CEP85L: variants seen among roughly 807,000 people sequenced by gnomAD.
CEP85L encodes the protein centrosomal protein of 85 kDa-like.
In CEP85L, 60 loss-of-function variants were observed where a neutral mutation model predicts 100.3. That is an observed-to-expected ratio of 0.60 (90% confidence interval 0.49 to 0.74). CEP85L has a LOEUF of 0.74. Ranked by LOEUF, CEP85L falls within the 30% of genes least tolerant of loss-of-function variation. CEP85L has a pLI of 0.00. For missense variants in CEP85L, 973 were observed against 936.2 expected, an observed-to-expected ratio of 1.04 and a Z score of -0.51; for synonymous variants, 319 against 322.7, an observed-to-expected ratio of 0.99 and a Z score of 0.12.
chr6:118,693,916 C>A (rs1324009734), intron 1 of CEP85L, among the ~76,000 whole-genome samples: 2 of 152,266 alleles, frequency 1.3e-5, no homozygotes, highest in South Asian at 2.1e-4. Context: ...AGAGTATATA[C>A]CCATGTTGCA....
At chr6:118,525,419 G>T (rs1776908556) in intron 3 of CEP85L, among the ~76,000 whole-genome samples, 1 of 152,084 alleles carries the variant, frequency 6.6e-6, no homozygotes, top group Admixed American at 6.5e-5. Flanking sequence ...TTGGAAATAG[G>T]GTCTTTGCAG....
chr6:118,708,188 G>A (rs983754981), intron 1 of CEP85L, among the ~76,000 whole-genome samples: 3 of 152,182 alleles, frequency 2.0e-5, no homozygotes, highest in Non-Finnish European at 2.9e-5. Flanking sequence ...CTTCACAGAT[G>A]AACAAGGCAC....
chr6:118,566,562 C>T (rs1434923244), intron 2 of CEP85L, among the ~76,000 whole-genome samples: 8 of 152,066 alleles, frequency 5.3e-5, no homozygotes, highest in Non-Finnish European at 7.4e-5. Context: ...GGATTCCAGG[C>T]GCCTGCCAGC....
At chr6:118,543,089 T>C (rs1223239995) in intron 3 of CEP85L, among the ~76,000 whole-genome samples, 1 of 152,186 alleles carries the variant, frequency 6.6e-6, no homozygotes, top group East Asian at 1.9e-4. Flanking sequence ...CTCCTCCACT[T>C]AGCTCATCTG....
chr6:118,594,617 C>T (rs1781364464), intron 2 of CEP85L, among the ~76,000 whole-genome samples: 1 of 151,738 alleles, frequency 6.6e-6, no homozygotes, highest in South Asian at 2.1e-4. Flanking sequence ...GCCTGTAATC[C>T]CAGCACTTTG....
At chr6:118,575,295 C>A (rs1022826475) in intron 2 of CEP85L, among the ~76,000 whole-genome samples, 1 of 152,100 alleles carries the variant, frequency 6.6e-6, no homozygotes, top group African/African-American at 2.4e-5. Flanking sequence ...AAAGAAGCAA[C>A]AAATAATAAA....
chr6:118,475,512 C>G (rs1244806537), intron 10 of CEP85L, among the ~76,000 whole-genome samples: 1 of 151,830 alleles, frequency 6.6e-6, no homozygotes, highest in East Asian at 1.9e-4. Flanking sequence ...CGCCACCACG[C>G]CTGGCTAATT....
chr6:118,700,051 T>C (rs1451673562), intron 1 of CEP85L, among the ~76,000 whole-genome samples: 2 of 152,212 alleles, frequency 1.3e-5, no homozygotes, highest in East Asian at 3.9e-4. Flanking sequence ...TAGGTGCCAC[T>C]ACTTGTCCTT....
chr6:118,591,611 T>C (rs934253651), intron 2 of CEP85L, among the ~76,000 whole-genome samples: 1 of 152,138 alleles, frequency 6.6e-6, no homozygotes, highest in African/African-American at 2.4e-5. Flanking sequence ...TTACATAGGG[T>C]GTACACGAAG....
At chr6:118,520,190 T>C (rs1256409146) in intron 4 of CEP85L, among the ~76,000 whole-genome samples, 1 of 152,186 alleles carries the variant, frequency 6.6e-6, no homozygotes, top group East Asian at 1.9e-4. Flanking sequence ...ATCACTGTAT[T>C]GGAGGCTCTA....
intron 2 of CEP85L, among the ~76,000 whole-genome samples, chr6:118,584,821 T>G (rs913796993): frequency 6.6e-6 from 1 of 152,214 alleles, no homozygotes; most frequent in Non-Finnish European, 1.5e-5. Context: ...ACTGCACTTT[T>G]GGGGGAGCCT....
chr6:118,551,779 G>C (rs1778560146), intron 3 of CEP85L, among the ~76,000 whole-genome samples: 1 of 151,648 alleles, frequency 6.6e-6, no homozygotes, highest in African/African-American at 2.4e-5. Context: ...CAGCCAGTCT[G>C]GACCAACAAA....
intron 2 of CEP85L, among the ~76,000 whole-genome samples, chr6:118,567,243 G>GTA (rs1779591071): frequency 1.6e-4 from 5 of 31,366 alleles, no homozygotes; most frequent in African/African-American, 7.3e-4. Context: ...GTGTGTGTGT[G>GTA]TGTGTGTATA....
chr6:118,632,759 C>A (rs1774246478), intron 1 of CEP85L, 148 bp from the exon 2 acceptor site: 1 of 554,940 alleles, frequency 1.8e-6, no homozygotes, highest in South Asian at 3.3e-5. Context: ...ACAAAATTAA[C>A]CAAATAAATG....
intron 6 of CEP85L, among the ~76,000 whole-genome samples, chr6:118,484,547 G>C (rs148244296): frequency 6.6e-6 from 1 of 152,262 alleles, no homozygotes; most frequent in African/African-American, 2.4e-5. Flanking sequence ...TATGTGTTGA[G>C]TTTAAATGAT....
At chr6:118,556,220 C>T (rs1267200438) in intron 3 of CEP85L, among the ~76,000 whole-genome samples, 2 of 152,140 alleles carry the variant, frequency 1.3e-5, no homozygotes, top group Non-Finnish European at 2.9e-5. Context: ...CTGCTATTTT[C>T]TAAGTAGAAG....
chr6:118,502,859 G>A (rs1337456578), intron 5 of CEP85L: 4 of 593,494 alleles, frequency 6.7e-6, no homozygotes, highest in Non-Finnish European at 1.3e-5. Flanking sequence ...CCCTGTCATG[G>A]AAAACAACTT....
rs1284227320 is a variant in CEP85L, at chr6:118,461,715, G to C, written c.*3690C>G. 2 of 151,950 alleles carry C rather than the reference G, an allele frequency of 1.3e-5. No individual in the cohort carries two copies. The highest frequency in any genetic ancestry group is 4.1e-4 in the South Asian group (2 of 4,822). 9.4% of individuals were successfully genotyped at this position (151,950 alleles called of 1,614,324 possible). A position where few individuals can be genotyped will look rare whatever the true frequency, so the allele number is the denominator to read the frequency against. Reference sequence around the variant, plus strand: ...ATTTTGGGGCAAAGTTGGAAATTTTGCTCTTTATACCAAATAGGAAATTGT... The same window carrying C: ...ATTTTGGGGCAAAGTTGGAAATTTTCCTCTTTATACCAAATAGGAAATTGT... On this transcript the variant is annotated 3_prime_UTR_variant, in exon 13 of 13. Transcript: ENST00000368491.
chr6:118,701,760 C>G (rs1254570280), intron 1 of CEP85L, among the ~76,000 whole-genome samples: 1 of 152,022 alleles, frequency 6.6e-6, no homozygotes, highest in East Asian at 1.9e-4. Context: ...ACACATACCC[C>G]CAAATCTAAA....
Sources: gnomAD v4.1 joint callset for allele counts (sites outside exome capture counted in the v4.1 genomes callset) on GRCh38, gnomAD v4.1.1 for gene constraint, MANE v1.5 for transcripts, NCBI Gene and HGNC (gene_info 2026-07-23, HGNC 2026-07-21) for gene names.